CSMD1: variants seen among roughly 807,000 people sequenced by gnomAD.
The protein encoded by CSMD1 is CUB and sushi domain-containing protein 1.
In CSMD1, 213 loss-of-function variants were observed where a neutral mutation model predicts 417.5. The ratio of observed to expected loss-of-function variants is 0.51; its 90% CI spans 0.46 to 0.57. The LOEUF (loss-of-function observed/expected upper bound fraction) is 0.57, where lower values mean the gene tolerates loss of function less well. Among genes scored for constraint, CSMD1 ranks in the 20% least tolerant of loss-of-function variants. The pLI is 0.00. For missense variants in CSMD1, 6,923 were observed against 4,529.7 expected, an observed-to-expected ratio of 1.53 and a Z score of -15.17; for synonymous variants, 2,862 against 1,736.8, an observed-to-expected ratio of 1.65 and a Z score of -16.11.
At chr8:4,419,269 C>G (rs924374648) in intron 3 of CSMD1, among the ~76,000 whole-genome samples, 1 of 152,080 alleles carries the variant, frequency 6.6e-6, no homozygotes, top group African/African-American at 2.4e-5. Context: ...AATCTCCATC[C>G]AAAACAAAAG....
At chr8:3,701,225 C>G (rs893704803) in intron 7 of CSMD1, among the ~76,000 whole-genome samples, 2 of 152,100 alleles carry the variant, frequency 1.3e-5, no homozygotes, top group South Asian at 4.1e-4. Context: ...GGTTAAGCCA[C>G]GTAATCCACC....
At chr8:4,588,475 G>C (rs1259626351) in intron 2 of CSMD1, among the ~76,000 whole-genome samples, 3 of 151,632 alleles carry the variant, frequency 2.0e-5, no homozygotes, top group Non-Finnish European at 4.4e-5. Context: ...TGAAACAGTG[G>C]TCTGATGTTT....
intron 1 of CSMD1, among the ~76,000 whole-genome samples, chr8:4,783,323 C>G (rs548096314): frequency 1.3e-4 from 20 of 152,280 alleles, no homozygotes; most frequent in African/African-American, 4.6e-4. Context: ...AGCCAGAGTG[C>G]CCCAAGACCC....
intron 15 of CSMD1, among the ~76,000 whole-genome samples, chr8:3,405,727 G>T (rs150087818): frequency 5.8e-4 from 88 of 152,286 alleles, no homozygotes; most frequent in African/African-American, 1.9e-3. Flanking sequence ...AGATGAGGGT[G>T]AGGCTTCTCC....
At chr8:4,222,089 A>G (rs1472462632) in intron 3 of CSMD1, among the ~76,000 whole-genome samples, 1 of 130,962 alleles carries the variant, frequency 7.6e-6, no homozygotes, top group African/African-American at 2.7e-5. Context: ...CATTAGTGGA[A>G]GAAAGATCAA....
chr8:3,292,892 T>G (rs1159927509), intron 25 of CSMD1, among the ~76,000 whole-genome samples: 2 of 152,082 alleles, frequency 1.3e-5, no homozygotes, highest in Non-Finnish European at 2.9e-5. Flanking sequence ...GTTATTTTGC[T>G]CGTTAGTTGA....
intron 5 of CSMD1, among the ~76,000 whole-genome samples, chr8:3,948,674 A>T (rs1811404666): frequency 6.6e-6 from 1 of 152,212 alleles, no homozygotes; most frequent in Non-Finnish European, 1.5e-5. Context: ...TAATGGAAGG[A>T]CCAATGAGTT....
rs575211339 is a variant in CSMD1, at chr8:2,942,803, T to G, written c.10403-199A>C. Reference sequence around the variant, plus strand: ...GGACAAAAAACTGACTATTTCCTACTAATAATGGAGAATACTATGAAAGAG... The same window carrying G: ...GGACAAAAAACTGACTATTTCCTACGAATAATGGAGAATACTATGAAAGAG... On this transcript the variant is annotated intron_variant, in intron 68 of 69. Transcript: ENST00000635120. Among the ~76,000 whole-genome samples, 16 of 152,312 alleles carry G rather than the reference T, an allele frequency of 1.1e-4. No individual in the cohort carries two copies. The East Asian group carries it at 3.1e-3, about 29-fold the overall frequency.
intron 5 of CSMD1, among the ~76,000 whole-genome samples, chr8:3,979,087 A>C (rs1392377161): frequency 1.3e-5 from 2 of 152,224 alleles, no homozygotes; most frequent in Admixed American, 1.3e-4. Flanking sequence ...CGACCTTTGA[A>C]CAGTAGCCAG....
At chr8:3,117,118 T>C (rs1816920184) in intron 42 of CSMD1, among the ~76,000 whole-genome samples, 1 of 152,208 alleles carries the variant, frequency 6.6e-6, no homozygotes, top group Non-Finnish European at 1.5e-5. Flanking sequence ...TCGCCCAGGC[T>C]GGAGGGCAGT....
intron 3 of CSMD1, among the ~76,000 whole-genome samples, chr8:4,087,099 G>A (rs1800460800): frequency 1.3e-5 from 2 of 152,188 alleles, no homozygotes; most frequent in Admixed American, 6.5e-5. Flanking sequence ...CTTTCTTCCT[G>A]GAGCAACTGG....
At chr8:4,992,177 G>A (rs1389195065) in intron 1 of CSMD1, among the ~76,000 whole-genome samples, 1 of 152,068 alleles carries the variant, frequency 6.6e-6, no homozygotes, top group Non-Finnish European at 1.5e-5. Context: ...GTTCGCCCCA[G>A]AATCATCCAG....
chr8:4,374,398 T>C (rs937950903), intron 3 of CSMD1, among the ~76,000 whole-genome samples: 4 of 152,184 alleles, frequency 2.6e-5, no homozygotes, highest in East Asian at 1.9e-4. Flanking sequence ...AAGAAAGTCA[T>C]AGGGGCTGAA....
chr8:3,369,006 G>A (rs1311954403), intron 19 of CSMD1, among the ~76,000 whole-genome samples: 1 of 152,130 alleles, frequency 6.6e-6, no homozygotes, highest in African/African-American at 2.4e-5. Flanking sequence ...TATATTTCAA[G>A]CTTATGTTCA....
At chr8:4,020,946 G>C (rs769411740) in intron 4 of CSMD1, among the ~76,000 whole-genome samples, 8 of 152,190 alleles carry the variant, frequency 5.3e-5, no homozygotes, top group African/African-American at 7.2e-5. Context: ...CCAACACATT[G>C]TGACGTGGAC....
Position 3,342,001 on chromosome 8 carries a change from A to C in CSMD1, c.3631+1293T>G, listed in dbSNP as rs1002264111. On this transcript the variant is annotated intron_variant, in intron 23 of 69. Transcript: ENST00000635120. ...GCTCTTTGAGACATTTCTGAGAGGG[A>C]AATCCTGGAAGGTAAAATTCTAGTA... Among the ~76,000 whole-genome samples, 3 of 152,206 alleles carry C rather than the reference A, an allele frequency of 2.0e-5. No homozygotes were observed. In the East Asian group the frequency reaches 5.8e-4, roughly 29 times the overall value.
intron 2 of CSMD1, among the ~76,000 whole-genome samples, chr8:4,594,510 T>C (rs1276230590): frequency 6.6e-6 from 1 of 152,110 alleles, no homozygotes; most frequent in African/African-American, 2.4e-5. Flanking sequence ...TGAAATGATC[T>C]GTTTCTAAAT....
At chr8:3,397,061 T>A (rs1406046995) in intron 16 of CSMD1, among the ~76,000 whole-genome samples, 1 of 151,918 alleles carries the variant, frequency 6.6e-6, no homozygotes, top group Non-Finnish European at 1.5e-5. Context: ...TGAGATTTTA[T>A]ATATATATAT....
At chr8:4,057,361 C>T (rs527514501) in intron 3 of CSMD1, among the ~76,000 whole-genome samples, 1 of 151,600 alleles carries the variant, frequency 6.6e-6, no homozygotes. Flanking sequence ...ATGTCCTTCG[C>T]CTACTTTTTG....
Sources: allele counts gnomAD v4.1 joint callset (sites outside exome capture counted in the v4.1 genomes callset), GRCh38; gene constraint gnomAD v4.1.1; transcripts MANE v1.5; gene names NCBI Gene and HGNC (gene_info 2026-07-23, HGNC 2026-07-21).